Variants in DDX60L observed in about 807,000 individuals in gnomAD.
DDX60L encodes DExD/H-box 60 like.
In DDX60L, 191 loss-of-function variants were observed where a neutral mutation model predicts 211.6. The observed-to-expected ratio is 0.90, with a 90% CI of 0.80 to 1.02. The LOEUF is 1.02. Among genes scored for constraint, DDX60L ranks in the 50% least tolerant of loss-of-function variants. DDX60L has a pLI of 0.00. For missense variants in DDX60L, 2,007 were observed against 1,984.1 expected (o/e 1.01, Z -0.22); for synonymous variants, 706 against 694.1 (o/e 1.02, Z -0.27).
intron 19 of DDX60L, 127 bp from the exon 20 acceptor site, chr4:168,416,924 GT>G (rs1422797245): frequency 4.0e-6 from 2 of 503,722 alleles, no homozygotes; most frequent in Admixed American, 3.7e-5. Context: ...AAAGTGAATG[GT>G]GATAAATTCA....
At chr4:168,425,871 CA>C (rs1300138742) in intron 14 of DDX60L, among the ~76,000 whole-genome samples, 3 of 152,190 alleles carry the variant, frequency 2.0e-5, no homozygotes, top group African/African-American at 7.2e-5. Context: ...GTAATAAAAG[CA>C]CACACTACAA....
At chr4:168,441,313 C>T in intron 10 of DDX60L, 24 bp downstream of exon 10, 2 of 1,554,552 alleles carry the variant, frequency 1.3e-6, no homozygotes, top group East Asian at 4.6e-5. Flanking sequence ...GCTTTTGTTC[C>T]ACTTTAATTT....
At chr4:168,398,471 G>T (rs544942926) in intron 26 of DDX60L, among the ~76,000 whole-genome samples, 1 of 152,236 alleles carries the variant, frequency 6.6e-6, no homozygotes, top group Non-Finnish European at 1.5e-5. Context: ...GGCACAAAGA[G>T]CCTGGGTGCC....
In DDX60L at chr4:168,379,473, T is replaced by C; in HGVS notation, c.4253A>G (p.Lys1418Arg). The C allele has an allele frequency of 6.3e-7, 1 of 1,585,444 alleles. No individual in the cohort carries two copies. The highest frequency in any genetic ancestry group is 1.7e-4 in the Middle Eastern group (1 of 5,900). Residue 1418 changes from lysine to arginine, a missense_variant, in exon 32 of 38, where the codon AAA (lysine) becomes AGA (arginine). Lys to Arg is a conservative substitution (Grantham distance 26). Transcript: ENST00000682922. ...CAAATATGATGCAAGTCCTGCAAAT[T>C]TCTTTGGATTACCCTTTTTATTTAA... ...DYLNKKGNPK[K>R]FAGLASYLHG...
At chr4:168,370,331 A>G (rs1336889614) in intron 36 of DDX60L, among the ~76,000 whole-genome samples, 2 of 152,194 alleles carry the variant, frequency 1.3e-5, no homozygotes, top group African/African-American at 4.8e-5. Context: ...AGAAAGAAAA[A>G]TATTGCATGA....
chr4:168,383,682 C>T (rs1233629719), intron 30 of DDX60L, among the ~76,000 whole-genome samples: 2 of 151,954 alleles, frequency 1.3e-5, no homozygotes, highest in African/African-American at 4.8e-5. Flanking sequence ...TGCTGTCACA[C>T]CCTGTCACAC....
intron 10 of DDX60L, among the ~76,000 whole-genome samples, chr4:168,439,501 T>C (rs1227043206): frequency 1.3e-5 from 2 of 152,122 alleles, no homozygotes; most frequent in Non-Finnish European, 1.5e-5. Context: ...GTCCCTATAA[T>C]CAGGTAAGGT....
intron 37 of DDX60L, among the ~76,000 whole-genome samples, chr4:168,358,529 T>C (rs1450246651): frequency 7.6e-4 from 22 of 28,812 alleles, no homozygotes; most frequent in African/African-American, 1.9e-3. Flanking sequence ...TTTTTCTTTT[T>C]TTTTTTTTTT....
In DDX60L at chr4:168,378,489, G is replaced by A. The variant is rs1448202382; in HGVS notation, c.4364-14C>T. On this transcript the variant is annotated splice_polypyrimidine_tract_variant and intron_variant, in intron 32 of 37. Transcript: ENST00000682922. ...ATTGTTGTGAGCCTATTGAAATAAA[G>A]AGCATTATTATAAATAAGAATAATG... 1.3e-6 allele frequency: 2 copies of A among 1,528,316 alleles called. No homozygotes were observed. The highest frequency in any genetic ancestry group is 2.1e-5 in the Admixed American group (1 of 47,530). The allele number at this position is 1,528,316 out of a possible 1,614,324, so 94.7% of individuals were successfully genotyped here.
chr4:168,399,366 C>T lies in DDX60L; in HGVS notation c.3491+1460G>A, dbSNP rs1161725539. On this transcript the variant is annotated intron_variant, in intron 26 of 37. Coordinates refer to ENST00000682922, the MANE Select transcript of DDX60L (RefSeq NM_001012967.3). ...GGCATCTCTGGGCACCACCATGTTC[C>T]CCCATGCCAGCCGTGGAAGCTGCTT... Among the ~76,000 whole-genome samples the T allele has an allele frequency of 2.0e-5, 3 of 152,142 alleles. No individual in the cohort carries two copies. The East Asian group carries it at 5.8e-4, about 29-fold the overall frequency.
At chr4:168,455,978 A>T in intron 7 of DDX60L, 61 bp downstream of exon 7, 1 of 1,147,446 alleles carries the variant, frequency 8.7e-7, no homozygotes, top group Non-Finnish European at 1.2e-6. Context: ...CAGTGAAGTT[A>T]TACCAGTTAC....
rs755937873 is a variant in DDX60L at position 168,423,737 on chromosome 4, C to T, written c.1968G>A (p.Met656Ile). Residue 656 changes from methionine to isoleucine, a missense_variant, in exon 15 of 38, where the codon ATG becomes ATA. Coordinates refer to ENST00000682922, the MANE Select transcript of DDX60L (RefSeq NM_001012967.3). ...ISKDLSIAVQ[M>I]MKRIHSLLER... ...CCAGGAGTGAATGAATCCTTTTCAT[C>T]ATTTGAACAGCTATACTTAAATCTT... 2 of 1,601,508 alleles carry T rather than the reference C, an allele frequency of 1.2e-6. No homozygotes were observed. Among genetic ancestry groups the T allele is most frequent in the Non-Finnish European group, 1.7e-6 (2 of 1,176,152 alleles).
At chr4:168,366,894 A>T (rs1740092863) in intron 36 of DDX60L, among the ~76,000 whole-genome samples, 1 of 151,986 alleles carries the variant, frequency 6.6e-6, no homozygotes, top group African/African-American at 2.4e-5. Context: ...AACACACACG[A>T]GGGAAAAGGG....
chr4:168,376,244 A>T (rs1354492827), intron 33 of DDX60L, among the ~76,000 whole-genome samples: 1 of 152,192 alleles, frequency 6.6e-6, no homozygotes, highest in Non-Finnish European at 1.5e-5. Flanking sequence ...TAATTTATTC[A>T]TAACCTGTAC....
intron 1 of DDX60L, among the ~76,000 whole-genome samples, chr4:168,476,771 A>C (rs1281472675): frequency 6.6e-6 from 1 of 152,238 alleles, no homozygotes; most frequent in African/African-American, 2.4e-5. Context: ...CTGGCCAATG[A>C]CTACATTTTC....
intron 13 of DDX60L, among the ~76,000 whole-genome samples, chr4:168,429,334 T>C (rs1484968938): frequency 6.6e-6 from 1 of 152,062 alleles, no homozygotes; most frequent in Admixed American, 6.5e-5. Flanking sequence ...TTAGAGGCGA[T>C]AGGGTTTCAC....
At chr4:168,404,701 C>T (rs1011726147) in intron 24 of DDX60L, among the ~76,000 whole-genome samples, 4 of 151,996 alleles carry the variant, frequency 2.6e-5, no homozygotes, top group Admixed American at 1.3e-4. Context: ...CCTACTATTC[C>T]ATATTTGATA....
chr4:168,371,788 T>A (rs765350999), intron 35 of DDX60L, 25 bp from the exon 36 acceptor site: 1 of 1,578,764 alleles, frequency 6.3e-7, no homozygotes, highest in South Asian at 1.2e-5. Context: ...TTTCTATTAC[T>A]TCATTACTGA....
chr4:168,379,845 T>C lies in DDX60L; in HGVS notation c.4117-15A>G. 6.4e-7 allele frequency: 1 copy of C among 1,555,366 alleles called. No homozygotes were observed. The highest frequency in any genetic ancestry group is 8.8e-7 in the Non-Finnish European group (1 of 1,134,144). ...ACTGACAACACCTATAAAAGAAGAG[T>C]ACTTTAATTTATCTAGTTTTAAACA... is the stretch of plus-strand genomic sequence containing the variant. On this transcript the variant is annotated splice_polypyrimidine_tract_variant and intron_variant, in intron 30 of 37. Transcript: ENST00000682922.
Sources: allele counts gnomAD v4.1 joint callset (sites outside exome capture counted in the v4.1 genomes callset), GRCh38; gene constraint gnomAD v4.1.1; transcripts MANE v1.5; gene names NCBI Gene and HGNC (gene_info 2026-07-23, HGNC 2026-07-21).